Variants in CHD8 observed in about 807,000 individuals in gnomAD.
The protein encoded by CHD8 is chromodomain helicase DNA binding protein 8, also known as ATP-dependent chromatin remodeler CHD8.
Under a neutral mutation model 279.2 loss-of-function variants are expected in CHD8, and 31 were observed. The observed-to-expected ratio is 0.11, with a 90% confidence interval of 0.08 to 0.15. The LOEUF (loss-of-function observed/expected upper bound fraction) is 0.15. Ranked by LOEUF, CHD8 falls within the 10% of genes least tolerant of loss-of-function variation. CHD8 has a pLI of 1.00. For synonymous variants in CHD8, 1,081 were observed against 1,139.6 expected, an observed-to-expected ratio of 0.95 and a Z score of 1.04; for missense variants, 2,146 against 3,230.5, an observed-to-expected ratio of 0.66 and a Z score of 8.14.
chr14:21,435,783 C>T (rs1436168557), intron 1 of CHD8, among the ~76,000 whole-genome samples: 1 of 152,156 alleles, frequency 6.6e-6, no homozygotes, highest in Non-Finnish European at 1.5e-5. Flanking sequence ...TATTTATTAA[C>T]ACTGGACAAA....
chr14:21,452,181 C>T (rs151196737), intron 1 of CHD8, among the ~76,000 whole-genome samples: 2,366 of 152,240 alleles, frequency 0.016, 55 homozygotes, highest in African/African-American at 0.055. Flanking sequence ...GCTGGGCCTA[C>T]AGGACCACGC....
At chr14:21,447,513 A>G (rs1890156623) in intron 1 of CHD8, among the ~76,000 whole-genome samples, 1 of 151,906 alleles carries the variant, frequency 6.6e-6, no homozygotes, top group African/African-American at 2.4e-5. Context: ...CTGGGAGTAC[A>G]GGCACGCACC....
chr14:21,420,765 A>ATT (rs753051784), intron 5 of CHD8, among the ~76,000 whole-genome samples: 1 of 145,798 alleles, frequency 6.9e-6, no homozygotes, highest in Non-Finnish European at 1.5e-5. Context: ...TCTCATACAC[A>ATT]TTTTTTTTTT....
At position 21,400,959 on chromosome 14, in the gene CHD8, C is replaced by G; in HGVS notation, c.4286G>C (p.Arg1429Pro). The change falls in exon 22 of 38, where the codon CGG becomes CCG. Residue 1429 changes from arginine (R) to proline (P), a missense_variant. Transcript: ENST00000646647. This position sits in a 1 kb window ranked among gnomAD's most constrained non-coding sequence, Gnocchi z 4.2. Reference sequence around the variant, plus strand: ...ACGGTCATGTCTGCGGGAGCGTGGCCGCTCATCATCCTCACTTTCCAAATC... The same window carrying G: ...ACGGTCATGTCTGCGGGAGCGTGGCGGCTCATCATCCTCACTTTCCAAATC... ...FSDLESEDDE[R>P]PRSRRHDRHH... The G allele has an allele frequency of 6.2e-7, 1 of 1,613,968 alleles. No homozygotes were observed. Among genetic ancestry groups the G allele is most frequent in the Non-Finnish European group, 8.5e-7 (1 of 1,179,848 alleles).
chr14:21,434,603 T>C (rs1847302680), intron 1 of CHD8, among the ~76,000 whole-genome samples: 1 of 152,122 alleles, frequency 6.6e-6, no homozygotes, highest in Non-Finnish European at 1.5e-5. Flanking sequence ...CATTTATCTC[T>C]CCCTTCCCAA....
chr14:21,408,661 C>A lies in CHD8; in HGVS notation c.2486+43G>T. 6.3e-7 allele frequency: 1 copy of A among 1,587,028 alleles called. No homozygotes were observed. On this transcript the variant is annotated intron_variant, in intron 12 of 37. Transcript: ENST00000646647. The surrounding 1 kb of genome is among the most constrained non-coding windows in gnomAD (Gnocchi z 4.3). ...TCAATAGAAAACAAATAAAAATAAT[C>A]CCAGAACTAAGCTTACATCTTATGG... is the stretch of plus-strand genomic sequence containing the variant.
At chr14:21,387,483 A>G (rs1018728673) in intron 37 of CHD8, among the ~76,000 whole-genome samples, 5 of 150,592 alleles carry the variant, frequency 3.3e-5, no homozygotes, top group Non-Finnish European at 7.4e-5. Context: ...AAGTACAACA[A>G]ATTAGCTGGG....
rs1290064500 is a variant in CHD8 at position 21,400,295 on chromosome 14, G to A, written c.4583C>T (p.Pro1528Leu). The A allele has an allele frequency of 9.3e-6, 15 of 1,613,824 alleles. No individual in the cohort carries two copies. The highest frequency in any genetic ancestry group is 1.3e-5 in the Non-Finnish European group (15 of 1,179,904). ...TTTTCCTTTGCGTCCACGAGGCACA[G>A]GGATAGATAGACCTGGGAAAGGGGA... Reference protein sequence around the residue: ...ELQNHSGLSIPVPRGRKGKKV... With the variant: ...ELQNHSGLSILVPRGRKGKKV... Residue 1528 changes from proline to leucine, a missense_variant, in exon 24 of 38, where the codon CCT becomes CTT. By Grantham distance (98) the Pro-to-Leu change is moderately conservative. Around this residue, in one of 26 missense-constraint regions of CHD8, gnomAD observed 73 missense variants for 153.2 expected, o/e 0.48. Transcript: ENST00000646647. The surrounding 1 kb of genome is among the most constrained non-coding windows in gnomAD (Gnocchi z 4.2).
Position 21,385,905 on chromosome 14 carries a change from T to G in CHD8, c.7454A>C (p.His2485Pro). Residue 2485 changes from histidine (H) to proline (P), a missense_variant, in exon 38 of 38, where the codon CAT becomes CCT. By Grantham distance (77) the His-to-Pro change is moderately conservative. Coordinates refer to ENST00000646647, the MANE Select transcript of CHD8 (RefSeq NM_001170629.2). ...FVMGGAPSSPHVDSSTMLHHH... is the reference protein window; with the variant it reads ...FVMGGAPSSPPVDSSTMLHHH... ...ATGAAGCATGGTGCTGGAGTCTACA[T>G]GAGGGGATGATGGTGCACCACCCAT... 6 of 1,551,994 alleles carry G rather than the reference T, an allele frequency of 3.9e-6. No homozygotes were observed. The highest frequency in any genetic ancestry group is 1.2e-5 in the South Asian group (1 of 84,064).
At chr14:21,398,307 T>C (rs1452397254) in intron 26 of CHD8, 1 of 153,876 alleles carries the variant, frequency 6.5e-6, no homozygotes, top group African/African-American at 2.4e-5. Flanking sequence ...TGGTGCGATC[T>C]TGGCTCACTG....
rs1300439802 is a variant in CHD8, at chr14:21,394,476, C to T, written c.5400G>A (p.Arg1800=). The T allele has an allele frequency of 6.3e-7, 1 of 1,594,966 alleles. No individual in the cohort carries two copies. ...ARREKQQRWT[R]REQTDFYRVV... is the part of the protein sequence containing the mutation. ...CTCGATAAAAATCAGTTTGTTCACGCCTTGTCCATCTACAAAAGGAAAAGT... is the reference window on the plus strand; with the variant it reads ...CTCGATAAAAATCAGTTTGTTCACGTCTTGTCCATCTACAAAAGGAAAAGT... The change falls in exon 31 of 38, where the codon AGG becomes AGA. Residue 1800 remains arginine, a synonymous_variant. Coordinates refer to ENST00000646647, the MANE Select transcript of CHD8 (RefSeq NM_001170629.2).
chr14:21,385,719 T>A lies in CHD8; in HGVS notation c.7640A>T (p.Asp2547Val). 1.3e-6 allele frequency: 2 copies of A among 1,551,838 alleles called. No homozygotes were observed. Among genetic ancestry groups the A allele is most frequent in the Non-Finnish European group, 1.7e-6 (2 of 1,147,006 alleles). Residue 2547 changes from aspartate (D) to valine (V), a missense_variant, in exon 38 of 38, where the codon GAT (aspartate) becomes GTT (valine). Coordinates refer to ENST00000646647, the MANE Select transcript of CHD8 (RefSeq NM_001170629.2). ...ATCATAGCCCTGAGATAAGTCATCA[T>A]CATCTTCTTCATCCTCATCGTCATC... is the stretch of plus-strand genomic sequence containing the variant. ...EEDDDEDEED[D>V]DDLSQGYDSS...
At chr14:21,438,678 C>T (rs909283487) in intron 1 of CHD8, among the ~76,000 whole-genome samples, 1 of 151,774 alleles carries the variant, frequency 6.6e-6, no homozygotes, top group African/African-American at 2.4e-5. Flanking sequence ...ACTAAAAATA[C>T]AAAAATTACT....
intron 37 of CHD8, among the ~76,000 whole-genome samples, chr14:21,389,374 G>T (rs1887427840): frequency 6.6e-6 from 1 of 152,014 alleles, no homozygotes; most frequent in Non-Finnish European, 1.5e-5. Context: ...ACTTCGGGAG[G>T]CTTAGGCAGG....
chr14:21,441,614 C>A (rs772924674), intron 1 of CHD8, among the ~76,000 whole-genome samples: 1 of 151,850 alleles, frequency 6.6e-6, no homozygotes, highest in Non-Finnish European at 1.5e-5. Context: ...TAGAGCTGGG[C>A]GTGGTGGCTC....
At position 21,443,621 on chromosome 14, in the gene CHD8, G is replaced by A. The variant is rs565971379; in HGVS notation, c.-215-11763C>T. 3.9e-5 allele frequency among the ~76,000 whole-genome samples: 6 copies of A among 151,990 alleles called. 1 individual carries two copies. Among genetic ancestry groups the A allele is most frequent in the African/African-American group, 1.2e-4 (5 of 41,456 alleles). On this transcript the variant is annotated intron_variant, in intron 1 of 37. Transcript: ENST00000646647. ...TGTAATCCCAGCACTTTGGGAGGCC[G>A]AGGTGGGTGGATCACGAGGTCAGGA... is the stretch of plus-strand genomic sequence containing the variant.
chr14:21,388,707 C>T (rs1175905065), intron 37 of CHD8, among the ~76,000 whole-genome samples: 2 of 152,128 alleles, frequency 1.3e-5, no homozygotes, highest in Non-Finnish European at 2.9e-5. Context: ...TGGTCTTGAA[C>T]TCCTGGGCAC....
intron 5 of CHD8, among the ~76,000 whole-genome samples, chr14:21,425,154 TCA>T (rs1378734142): frequency 1.3e-5 from 2 of 152,104 alleles, no homozygotes; most frequent in Non-Finnish European, 1.5e-5. Flanking sequence ...CTACCCTAGT[TCA>T]CAGAGTCAGA....
Position 21,403,415 on chromosome 14 carries a change from GA to G in CHD8, c.3518+37del. On this transcript the variant is annotated intron_variant, in intron 17 of 37. Transcript: ENST00000646647. This position sits in a 1 kb window ranked among gnomAD's most constrained non-coding sequence, Gnocchi z 4.3. ...CTCCTACTTTTTGCTGCTTTATGAGGACAGAGTAACCACAGGCTAGGATGAC... is the reference window on the plus strand; with the variant it reads ...CTCCTACTTTTTGCTGCTTTATGAGGCAGAGTAACCACAGGCTAGGATGAC... 1 of 1,525,682 alleles carries G rather than the reference GA, an allele frequency of 6.6e-7. No individual in the cohort carries two copies. Among genetic ancestry groups the G allele is most frequent in the East Asian group, 2.3e-5 (1 of 44,050 alleles). The allele number at this position is 1,525,682 out of a possible 1,614,324, so 94.5% of individuals were successfully genotyped here.
Sources: allele counts gnomAD v4.1 joint callset (sites outside exome capture counted in the v4.1 genomes callset), GRCh38; gene constraint gnomAD v4.1.1; regional missense constraint gnomAD v4.1.1; non-coding constraint Gnocchi (gnomAD v3.1); transcripts MANE v1.5; gene names NCBI Gene and HGNC (gene_info 2026-07-23, HGNC 2026-07-21).